The following SVEP1 variants were observed in gnomAD, a reference collection of about 807,000 sequenced individuals.
SVEP1 encodes sushi, von Willebrand factor type A, EGF and pentraxin domain containing 1.
A neutral mutation model predicts 367.3 loss-of-function variants in SVEP1; 164 were observed. That is an observed-to-expected ratio of 0.45 (90% CI 0.39 to 0.51). SVEP1 has a LOEUF of 0.51. SVEP1 is among the 20% of genes least tolerant of loss of function. The probability of loss-of-function intolerance (pLI) is 0.00; values close to 1 mark genes in which losing one functional copy is unlikely to be tolerated. For synonymous variants in SVEP1, 1,666 were observed against 1,611.6 expected, an observed-to-expected ratio of 1.03 and a Z score of -0.81; for missense variants, 4,117 against 4,425.3, an observed-to-expected ratio of 0.93 and a Z score of 1.98.
Position 110,477,995 on chromosome 9 carries a change from CCATCT to C in SVEP1, c.2487+1635_2487+1639del, listed in dbSNP as rs1222114670. On this transcript the variant is annotated intron_variant, in intron 13 of 47. Transcript: ENST00000374469. ...CACAGTCTGATTTCTCTTCTTACCC[CCATCT>C]CCTCTTCCACATGTAATCTTTTTGA... is the stretch of plus-strand genomic sequence containing the variant. Among the ~76,000 whole-genome samples, 4 of 152,186 alleles carry C rather than the reference CCATCT, an allele frequency of 2.6e-5. No homozygotes were observed. The East Asian group carries it at 7.7e-4, about 29-fold the overall frequency.
chr9:110,573,241 C>T (rs1398822475), intron 1 of SVEP1, among the ~76,000 whole-genome samples: 1 of 151,748 alleles, frequency 6.6e-6, no homozygotes. Flanking sequence ...TCAGAGAGAC[C>T]ACTGCAAAAC....
chr9:110,457,728 C>T (rs1243928821), intron 20 of SVEP1, among the ~76,000 whole-genome samples: 1 of 152,158 alleles, frequency 6.6e-6, no homozygotes, highest in African/African-American at 2.4e-5. Flanking sequence ...TTCTAATACA[C>T]CTCCATGTGA....
Position 110,565,190 on chromosome 9 carries a change from T to C in SVEP1, c.531+13823A>G, listed in dbSNP as rs79215373. ...GGGCAGTGTATGAAAAGAATAGGAA[T>C]GTTATGATGCAGGGGAACGCTGAGT... On this transcript the variant is annotated intron_variant, in intron 1 of 47. Transcript: ENST00000374469. 3.1e-3 allele frequency among the ~76,000 whole-genome samples: 465 copies of C among 152,316 alleles called. 18 individuals are homozygous for C. The East Asian group carries it at 0.073, about 24-fold the overall frequency.
chr9:110,498,584 T>C (rs1829486010), intron 7 of SVEP1, among the ~76,000 whole-genome samples: 1 of 152,216 alleles, frequency 6.6e-6, no homozygotes. Context: ...GATAGGACAT[T>C]TTTTACTTCT....
At position 110,432,491 on chromosome 9, in the gene SVEP1, C is replaced by T. The variant is rs1212371823; in HGVS notation, c.5204G>A (p.Ser1735Asn). Residue 1735 changes from serine to asparagine, a missense_variant, in exon 31 of 48, where the codon AGC becomes AAC. Coordinates refer to ENST00000374469, the MANE Select transcript of SVEP1 (RefSeq NM_153366.4). ...DSRMFCTDNG[S>N]WNGVSPSCLD... The stretch of plus-strand genomic sequence containing the variant: ...GCAGGATGGTGAAACGCCGTTCCAG[C>T]TCCCATTATCTGTACAGAACATCCT... The T allele has an allele frequency of 2.5e-6, 4 of 1,613,122 alleles. No homozygotes were observed. In the South Asian group the frequency reaches 4.4e-5, roughly 18 times the overall value.
intron 8 of SVEP1, among the ~76,000 whole-genome samples, chr9:110,490,220 C>A (rs1829346972): frequency 6.6e-6 from 1 of 151,944 alleles, no homozygotes; most frequent in African/African-American, 2.4e-5. Flanking sequence ...AATAGATGTA[C>A]ATAGTTTCAA....
chr9:110,513,798 A>G lies in SVEP1; in HGVS notation c.1123+150T>C, dbSNP rs188859560. The G allele has an allele frequency of 1.6e-5, 14 of 901,176 alleles. No individual in the cohort carries two copies. In the Admixed American group the frequency reaches 2.6e-4, roughly 17 times the overall value. 55.8% of individuals were successfully genotyped at this position (901,176 alleles called of 1,614,324 possible). ...ATATGTTCCGTGATAAGAATGTTAT[A>G]AAAGCAAATCATCCCACTCCCCCAA... On this transcript the variant is annotated intron_variant, in intron 4 of 47. Transcript: ENST00000374469.
intron 18 of SVEP1, among the ~76,000 whole-genome samples, chr9:110,461,611 A>ATTTG (rs146405087): frequency 0.061 from 9,294 of 152,210 alleles, 393 homozygotes; most frequent in African/African-American, 0.12. Flanking sequence ...AAAACAAAGC[A>ATTTG]TTTGTGATAA....
At chr9:110,546,533 T>C (rs1382388747) in intron 2 of SVEP1, among the ~76,000 whole-genome samples, 1 of 152,176 alleles carries the variant, frequency 6.6e-6, no homozygotes, top group Admixed American at 6.6e-5. Context: ...CTCAAGGCCA[T>C]TCAGGGTCAG....
At chr9:110,465,803 A>C in intron 18 of SVEP1, 62 bp downstream of exon 18, 3 of 1,534,476 alleles carry the variant, frequency 2.0e-6, no homozygotes, top group Non-Finnish European at 2.7e-6. Flanking sequence ...AAAATATGCC[A>C]CTCCTTCATG....
At chr9:110,439,170 T>C (rs1163535937) in intron 27 of SVEP1, among the ~76,000 whole-genome samples, 1 of 151,984 alleles carries the variant, frequency 6.6e-6, no homozygotes, top group African/African-American at 2.4e-5. Context: ...GGTGATTGGA[T>C]TTAGATGAGT....
rs759723992 is a variant in SVEP1, at chr9:110,445,885, G to A, written c.4415C>T (p.Ala1472Val). ...DMNYGTPISY[A>V]VDNGSDNTLL... is the part of the protein sequence containing the mutation. ...GGTATTGTCGCTGCCGTTATCAACT[G>A]CATAGGAGATTGGTGTTCCATAGTT... The change falls in exon 26 of 48, where the codon GCA (alanine) becomes GTA (valine). Residue 1472 changes from alanine to valine, a missense_variant. Ala to Val is a moderately conservative substitution (Grantham distance 64). Transcript: ENST00000374469. The A allele has an allele frequency of 6.2e-7, 1 of 1,613,842 alleles. No homozygotes were observed. The highest frequency in any genetic ancestry group is 1.3e-5 in the African/African-American group (1 of 74,930).
chr9:110,491,336 T>G (rs902668178), intron 8 of SVEP1, among the ~76,000 whole-genome samples: 3 of 152,016 alleles, frequency 2.0e-5, no homozygotes, highest in Non-Finnish European at 4.4e-5. Flanking sequence ...TATTTTGCTT[T>G]TTAAATTTTT....
In SVEP1 at chr9:110,374,063, TC is replaced by T. The variant is rs376513773; in HGVS notation, c.10600+1304del. Among the ~76,000 whole-genome samples the T allele has an allele frequency of 4.7e-4, 71 of 152,312 alleles. 1 individual carries two copies. The highest frequency in any genetic ancestry group is 1.6e-3 in the African/African-American group (66 of 41,576). Reference sequence around the variant, plus strand: ...GGTTTGTTATATAGGTACACTTGTGTCATGGGAGTTTGTTGTACAGATTATT... The same window carrying T: ...GGTTTGTTATATAGGTACACTTGTGTATGGGAGTTTGTTGTACAGATTATT... On this transcript the variant is annotated intron_variant, in intron 46 of 47. Transcript: ENST00000374469.
chr9:110,435,401 G>A (rs771041134), intron 28 of SVEP1, 37 bp from the exon 29 acceptor site: 1 of 1,604,066 alleles, frequency 6.2e-7, no homozygotes, highest in South Asian at 1.1e-5. Context: ...AGCCTTACTT[G>A]TTCCATTAAG....
intron 4 of SVEP1, among the ~76,000 whole-genome samples, 170 bp downstream of exon 4, chr9:110,513,778 T>C (rs1018908372): frequency 6.6e-6 from 1 of 152,162 alleles, no homozygotes; most frequent in Non-Finnish European, 1.5e-5. Context: ...TAGAGATATG[T>C]TCCGTGATAA....
In SVEP1 at chr9:110,517,295, T is replaced by C. The variant is rs552039846; in HGVS notation, c.965-3189A>G. Among the ~76,000 whole-genome samples, 4 of 151,474 alleles carry C rather than the reference T, an allele frequency of 2.6e-5. No homozygotes were observed. The South Asian group carries it at 6.3e-4, about 24-fold the overall frequency. On this transcript the variant is annotated intron_variant, in intron 3 of 47. Coordinates refer to ENST00000374469, the MANE Select transcript of SVEP1 (RefSeq NM_153366.4). ...GGGCAACATAGCTACACCCATCTCT[T>C]AAAAATATTTTTAAAATTAGGCTGG...
At chr9:110,374,382 G>T (rs1156952021) in intron 46 of SVEP1, among the ~76,000 whole-genome samples, 1 of 152,202 alleles carries the variant, frequency 6.6e-6, no homozygotes, top group African/African-American at 2.4e-5. Flanking sequence ...GGATGCAGTG[G>T]CTCATGCTTG....
At chr9:110,395,448 C>T (rs12006333) in intron 40 of SVEP1, among the ~76,000 whole-genome samples, 39,910 of 151,818 alleles carry the variant, frequency 0.26, 5,574 homozygotes, top group South Asian at 0.33. Flanking sequence ...CATCAACTAA[C>T]AAGCAAAATA....
Sources: gnomAD v4.1 joint callset for allele counts (sites outside exome capture counted in the v4.1 genomes callset) on GRCh38, gnomAD v4.1.1 for gene constraint, MANE v1.5 for transcripts, NCBI Gene and HGNC (gene_info 2026-07-23, HGNC 2026-07-21) for gene names.